Variants in PLCB1 observed in about 807,000 individuals in gnomAD.
PLCB1 encodes phospholipase C beta 1, also known as 1-phosphatidylinositol 4,5-bisphosphate phosphodiesterase beta-1.
Under a neutral mutation model 161.8 loss-of-function variants are expected in PLCB1, and 46 were observed. That is an observed-to-expected ratio of 0.28 (90% CI 0.22 to 0.36). The LOEUF is 0.36. Ranked by LOEUF, PLCB1 falls within the 10% of genes least tolerant of loss-of-function variation. The pLI, the probability that PLCB1 is intolerant of heterozygous loss-of-function variation, is 1.00. For missense variants in PLCB1, 1,016 were observed against 1,472.5 expected (o/e 0.69, Z 5.07); for synonymous variants, 517 against 503.7 (o/e 1.03, Z -0.35).
chr20:8,257,989 A>G (rs1981511233), intron 2 of PLCB1, among the ~76,000 whole-genome samples: 1 of 152,176 alleles, frequency 6.6e-6, no homozygotes, highest in South Asian at 2.1e-4. Context: ...GTGATTTCTA[A>G]TATATAATTT....
rs1983653546 is a variant in PLCB1 at position 8,789,581 on chromosome 20, T to G, written c.3336+6T>G. 1 of 1,599,820 alleles carries G rather than the reference T, an allele frequency of 6.3e-7. No individual in the cohort carries two copies. The highest frequency in any genetic ancestry group is 8.6e-7 in the Non-Finnish European group (1 of 1,167,044). ...TGGTGCAGTATATCAAGAGGGTATG[T>G]GGGCTCATCACGCTCTCTCCTTTGC... is the stretch of plus-strand genomic sequence containing the variant. On this transcript the variant is annotated splice_donor_region_variant and intron_variant, in intron 30 of 31. Transcript: ENST00000338037.
At chr20:8,318,892 G>T (rs1410470585) in intron 2 of PLCB1, among the ~76,000 whole-genome samples, 1 of 152,112 alleles carries the variant, frequency 6.6e-6, no homozygotes, top group Non-Finnish European at 1.5e-5. Flanking sequence ...AGTGAGAGTA[G>T]TCATCCCTTC....
intron 25 of PLCB1, among the ~76,000 whole-genome samples, chr20:8,763,165 A>G (rs923568030): frequency 7.9e-5 from 12 of 152,192 alleles, no homozygotes; most frequent in African/African-American, 2.7e-4. Context: ...TTAAATGCAC[A>G]TTCTAGAATT....
intron 2 of PLCB1, among the ~76,000 whole-genome samples, chr20:8,320,075 C>T (rs368391413): frequency 1.4e-4 from 22 of 151,890 alleles, no homozygotes; most frequent in Admixed American, 4.6e-4. Context: ...ATGTGAGGTC[C>T]GGGGGCATGG....
chr20:8,346,039 G>A (rs997045665), intron 2 of PLCB1, among the ~76,000 whole-genome samples: 1 of 152,154 alleles, frequency 6.6e-6, no homozygotes, highest in Non-Finnish European at 1.5e-5. Flanking sequence ...TTAGGTCTTG[G>A]CAAGGTAAAA....
At chr20:8,685,517 A>G (rs1990339689) in intron 10 of PLCB1, among the ~76,000 whole-genome samples, 1 of 146,834 alleles carries the variant, frequency 6.8e-6, no homozygotes. Flanking sequence ...TGAGGTCAGG[A>G]GTTCGAGACC....
chr20:8,645,836 A>G (rs940089567), intron 4 of PLCB1, among the ~76,000 whole-genome samples: 1 of 149,862 alleles, frequency 6.7e-6, no homozygotes, highest in Non-Finnish European at 1.5e-5. Flanking sequence ...GAAGGGAAAC[A>G]GAGCAATTTT....
At chr20:8,602,204 A>G (rs1156782911) in intron 3 of PLCB1, among the ~76,000 whole-genome samples, 1 of 152,112 alleles carries the variant, frequency 6.6e-6, no homozygotes, top group East Asian at 1.9e-4. Context: ...AGTATATGAC[A>G]CCAACACCAA....
chr20:8,678,522 G>A (rs529678154), intron 9 of PLCB1, among the ~76,000 whole-genome samples: 3 of 152,216 alleles, frequency 2.0e-5, no homozygotes, highest in Admixed American at 1.3e-4. Context: ...TAAAAGTGGT[G>A]CTGGATGGCA....
intron 4 of PLCB1, among the ~76,000 whole-genome samples, chr20:8,639,669 ATAT>A (rs948911193): frequency 6.6e-6 from 1 of 152,174 alleles, no homozygotes; most frequent in African/African-American, 2.4e-5. Context: ...TCAGTTGAAC[ATAT>A]TATTGGCCTG....
chr20:8,428,283 C>G (rs1979877914), intron 3 of PLCB1, among the ~76,000 whole-genome samples: 1 of 151,834 alleles, frequency 6.6e-6, no homozygotes, highest in Admixed American at 6.6e-5. Flanking sequence ...TCCAGTGGTG[C>G]AATCTCGGCT....
chr20:8,177,863 C>G (rs1395728673), intron 2 of PLCB1, among the ~76,000 whole-genome samples: 1 of 151,956 alleles, frequency 6.6e-6, no homozygotes. Flanking sequence ...TCAGGTAGGT[C>G]CCGGTGTCTA....
At chr20:8,136,738 C>A (rs1468398985) in intron 1 of PLCB1, among the ~76,000 whole-genome samples, 3 of 151,798 alleles carry the variant, frequency 2.0e-5, no homozygotes, top group Non-Finnish European at 4.4e-5. Context: ...AAATTCAGAC[C>A]TTACTTCCAT....
intron 2 of PLCB1, among the ~76,000 whole-genome samples, chr20:8,193,007 C>T (rs1427707732): frequency 1.3e-5 from 2 of 151,982 alleles, no homozygotes; most frequent in Non-Finnish European, 1.5e-5. Flanking sequence ...TTTGTTCATG[C>T]ACATCTTGCC....
intron 2 of PLCB1, among the ~76,000 whole-genome samples, chr20:8,188,271 T>A (rs889616495): frequency 1.3e-5 from 2 of 152,116 alleles, no homozygotes; most frequent in Non-Finnish European, 2.9e-5. Context: ...TACTGTCCAC[T>A]AACATTCCTT....
intron 3 of PLCB1, among the ~76,000 whole-genome samples, chr20:8,374,166 G>T (rs929751700): frequency 3.9e-5 from 6 of 152,242 alleles, no homozygotes; most frequent in African/African-American, 1.4e-4. Context: ...CCAGGTGGAG[G>T]TAATTGAATC....
rs144937014 is a variant in PLCB1, at chr20:8,400,663, A to G, written c.246+29213A>G. On this transcript the variant is annotated intron_variant, in intron 3 of 31. Transcript: ENST00000338037. ...TATCAAATGCTATTTAAACTTAGCAATTTGTTGCAGAAATTATGCCGTGTC... is the reference window on the plus strand; with the variant it reads ...TATCAAATGCTATTTAAACTTAGCAGTTTGTTGCAGAAATTATGCCGTGTC... Among the ~76,000 whole-genome samples the G allele has an allele frequency of 5.3e-5, 8 of 152,294 alleles. No individual in the cohort carries two copies. In the East Asian group the frequency reaches 1.5e-3, roughly 29 times the overall value.
intron 31 of PLCB1, among the ~76,000 whole-genome samples, chr20:8,874,971 T>C (rs1987728831): frequency 6.6e-6 from 1 of 151,736 alleles, no homozygotes; most frequent in Non-Finnish European, 1.5e-5. Context: ...TATTGCTTCT[T>C]TAAAGGAAAT....
intron 23 of PLCB1, among the ~76,000 whole-genome samples, chr20:8,748,227 C>G (rs189008787): frequency 2.2e-4 from 33 of 152,296 alleles, no homozygotes; most frequent in Admixed American, 5.9e-4. Flanking sequence ...ACAGATTTGG[C>G]ATTCACAATG....
Sources: gnomAD v4.1 joint callset for allele counts (sites outside exome capture counted in the v4.1 genomes callset) on GRCh38, gnomAD v4.1.1 for gene constraint, MANE v1.5 for transcripts, NCBI Gene and HGNC (gene_info 2026-07-23, HGNC 2026-07-21) for gene names.